TMOD2: variants seen among roughly 807,000 people sequenced by gnomAD.
TMOD2 encodes tropomodulin 2, also known as tropomodulin-2.
TMOD2 carries 22 observed loss-of-function variants against 39.9 expected under a neutral mutation model. The ratio of observed to expected loss-of-function variants is 0.55; its 90% CI spans 0.39 to 0.79. The LOEUF is 0.79. TMOD2 is among the 30% of genes least tolerant of loss of function. The pLI is 0.00. For missense variants in TMOD2, 386 were observed against 413.3 expected, an observed-to-expected ratio of 0.93 and a Z score of 0.57; for synonymous variants, 123 against 146.1, an observed-to-expected ratio of 0.84 and a Z score of 1.14.
At chr15:51,763,613 T>C (rs2055796560) in intron 1 of TMOD2, among the ~76,000 whole-genome samples, 1 of 152,216 alleles carries the variant, frequency 6.6e-6, no homozygotes. Context: ...TGGGCCTCTC[T>C]TCAGGAGTGC....
intron 6 of TMOD2, 62 bp downstream of exon 6, chr15:51,781,236 G>C: frequency 6.8e-7 from 1 of 1,470,810 alleles, no homozygotes; most frequent in Non-Finnish European, 9.2e-7. Context: ...ACTTACCAGA[G>C]ATGACCTATT....
At chr15:51,803,504 T>A (rs1163340352) in intron 8 of TMOD2, among the ~76,000 whole-genome samples, 2 of 152,160 alleles carry the variant, frequency 1.3e-5, no homozygotes, top group African/African-American at 4.8e-5. Flanking sequence ...TATGTTAAAA[T>A]TCATTCCAGA....
At chr15:51,801,323 G>A (rs1421754757) in intron 8 of TMOD2, among the ~76,000 whole-genome samples, 8 of 137,924 alleles carry the variant, frequency 5.8e-5, no homozygotes, top group Admixed American at 4.4e-4. Context: ...TCTAAGAAAA[G>A]ATTTTCTAGA....
At chr15:51,782,511 T>C (rs1595870603) in intron 6 of TMOD2, among the ~76,000 whole-genome samples, 1 of 152,202 alleles carries the variant, frequency 6.6e-6, no homozygotes, top group Non-Finnish European at 1.5e-5. Context: ...AGAGGTACCA[T>C]AGTGGTAGTT....
Position 51,766,617 on chromosome 15 carries a change from T to G in TMOD2, c.126+50T>G, listed in dbSNP as rs1259934170. The G allele has an allele frequency of 2.5e-6, 4 of 1,581,456 alleles. No individual in the cohort carries two copies. The African/African-American group carries it at 5.4e-5, about 21-fold the overall frequency. On this transcript the variant is annotated intron_variant, in intron 2 of 9. Transcript: ENST00000249700. ...AGTGGTTAATGATAGTATGGATAAA[T>G]GGCATGGCTTGGTCCTTAAACAATG...
chr15:51,798,137 T>C (rs2056064115), intron 7 of TMOD2, 60 bp from the exon 8 acceptor site: 2 of 1,472,542 alleles, frequency 1.4e-6, no homozygotes, highest in South Asian at 1.3e-5. Flanking sequence ...AGGGGTTTAG[T>C]AAATTAATCT....
chr15:51,775,576 T>TTC (rs1555461610), intron 4 of TMOD2, among the ~76,000 whole-genome samples: 6 of 129,346 alleles, frequency 4.6e-5, no homozygotes, highest in Non-Finnish European at 8.3e-5. Flanking sequence ...TTTCCTTTTT[T>TTC]TTTTTTTTTT....
intron 5 of TMOD2, among the ~76,000 whole-genome samples, chr15:51,778,643 CTTTTTTTTTTT>C (rs34790068): frequency 1.2e-4 from 8 of 68,370 alleles, no homozygotes; most frequent in Middle Eastern, 0.014. Context: ...AAAATTACAG[CTTTTTTTTTTT>C]TTTTTTTTTT....
chr15:51,789,510 C>G (rs2055994767), intron 7 of TMOD2, among the ~76,000 whole-genome samples: 1 of 152,140 alleles, frequency 6.6e-6, no homozygotes, highest in South Asian at 2.1e-4. Flanking sequence ...CCAAGTGGAC[C>G]TAATAGACAT....
rs187686426 is a variant in TMOD2 at position 51,771,758 on chromosome 15, G to C, written c.284-1954G>C. On this transcript the variant is annotated intron_variant, in intron 3 of 9. Coordinates refer to ENST00000249700, the MANE Select transcript of TMOD2 (RefSeq NM_014548.4). Reference sequence around the variant, plus strand: ...AAAATGTTTCAGGCCATAGACGCTAGGAATGTTAAGTCTGAGATGAGCCCC... The same window carrying C: ...AAAATGTTTCAGGCCATAGACGCTACGAATGTTAAGTCTGAGATGAGCCCC... 6.0e-4 allele frequency among the ~76,000 whole-genome samples: 92 copies of C among 152,312 alleles called. 1 individual carries two copies. Among genetic ancestry groups the C allele is most frequent in the Non-Finnish European group, 1.2e-3 (81 of 68,026 alleles).
chr15:51,799,900 T>C (rs2141640432), intron 8 of TMOD2, among the ~76,000 whole-genome samples: 1 of 152,302 alleles, frequency 6.6e-6, no homozygotes, highest in South Asian at 2.1e-4. Context: ...ATATTTAACT[T>C]TGTTTACGGA....
chr15:51,778,424 C>A (rs2055904823), intron 5 of TMOD2, among the ~76,000 whole-genome samples: 1 of 148,046 alleles, frequency 6.8e-6, no homozygotes, highest in African/African-American at 2.5e-5. Flanking sequence ...CAGCATGACA[C>A]ATGTATACAT....
chr15:51,789,123 TACAAAGACAC>T (rs2055991427), intron 7 of TMOD2, among the ~76,000 whole-genome samples: 1 of 152,120 alleles, frequency 6.6e-6, no homozygotes, highest in Non-Finnish European at 1.5e-5. Context: ...CCATCTCATG[TACAAAGACAC>T]ACATAGGCTC....
chr15:51,805,207 G>A (rs1798222846), intron 8 of TMOD2, among the ~76,000 whole-genome samples: 1 of 151,870 alleles, frequency 6.6e-6, no homozygotes. Flanking sequence ...TGATCCATCT[G>A]CCTCGGCCTC....
intron 7 of TMOD2, among the ~76,000 whole-genome samples, chr15:51,788,815 T>C (rs1249135057): frequency 6.6e-6 from 1 of 152,184 alleles, no homozygotes; most frequent in East Asian, 1.9e-4. Flanking sequence ...GCTAAGATAT[T>C]TTGTCACCAC....
chr15:51,808,125 A>C (rs566579522), intron 9 of TMOD2, among the ~76,000 whole-genome samples: 1 of 152,288 alleles, frequency 6.6e-6, no homozygotes, highest in South Asian at 2.1e-4. Flanking sequence ...CGGCCATGAA[A>C]ATAGTCAAAG....
In TMOD2 at chr15:51,812,838, A is replaced by G. The variant is rs1482604840; in HGVS notation, c.*4384A>G. The G allele has an allele frequency of 6.6e-6, 1 of 152,182 alleles. No individual in the cohort carries two copies. The highest frequency in any genetic ancestry group is 1.5e-5 in the Non-Finnish European group (1 of 68,030). The allele number at this position is 152,182 out of a possible 1,614,324, so 9.4% of individuals were successfully genotyped here. ...TTAACGAGCAGAGAACTAAGAGGAAAGGTCCTAGCTCTGCCTTCCACTTGC... is the reference window on the plus strand; with the variant it reads ...TTAACGAGCAGAGAACTAAGAGGAAGGGTCCTAGCTCTGCCTTCCACTTGC... On this transcript the variant is annotated 3_prime_UTR_variant, in exon 10 of 10. Coordinates refer to ENST00000249700, the MANE Select transcript of TMOD2 (RefSeq NM_014548.4).
In TMOD2 at chr15:51,811,083, T is replaced by G. The variant is rs537181078; in HGVS notation, c.*2629T>G. On this transcript the variant is annotated 3_prime_UTR_variant, in exon 10 of 10. Coordinates refer to ENST00000249700, the MANE Select transcript of TMOD2 (RefSeq NM_014548.4). ...AGTTTGTTTTCTTATTACCTGTGTT[T>G]TTAAAGTGGCTTGAAAGGTGGCATT... 1 of 152,326 alleles carries G rather than the reference T, an allele frequency of 6.6e-6. No homozygotes were observed. The highest frequency in any genetic ancestry group is 6.5e-5 in the Admixed American group (1 of 15,300). 9.4% of individuals were successfully genotyped at this position (152,326 alleles called of 1,614,324 possible). A position where few individuals can be genotyped will look rare whatever the true frequency, so the allele number is the denominator to read the frequency against.
rs989209092 is a variant in TMOD2 at position 51,808,764 on chromosome 15, A to G, written c.*310A>G. On this transcript the variant is annotated 3_prime_UTR_variant, in exon 10 of 10. Transcript: ENST00000249700. Reference sequence around the variant, plus strand: ...TGGGTTGTCTTGCTTTCTTACATGAACTTGTTTTTTTAATCACTGAAAGGA... The same window carrying G: ...TGGGTTGTCTTGCTTTCTTACATGAGCTTGTTTTTTTAATCACTGAAAGGA... 3 of 260,748 alleles carry G rather than the reference A, an allele frequency of 1.2e-5. No homozygotes were observed. The highest frequency in any genetic ancestry group is 2.2e-5 in the Non-Finnish European group (3 of 135,864). 16.2% of individuals were successfully genotyped at this position (260,748 alleles called of 1,614,324 possible). A position where few individuals can be genotyped will look rare whatever the true frequency, so the allele number is the denominator to read the frequency against.
Sources: allele counts gnomAD v4.1 joint callset (sites outside exome capture counted in the v4.1 genomes callset), GRCh38; gene constraint gnomAD v4.1.1; transcripts MANE v1.5; gene names NCBI Gene and HGNC (gene_info 2026-07-23, HGNC 2026-07-21).